The following PLCXD2 variants were observed in gnomAD, a reference collection of about 807,000 sequenced individuals.
PLCXD2 encodes the protein PI-PLC X domain-containing protein 2.
Under a neutral mutation model 28.6 loss-of-function variants are expected in PLCXD2, and 21 were observed. That is an observed-to-expected ratio of 0.73 (90% CI 0.52 to 1.06). The LOEUF (loss-of-function observed/expected upper bound fraction) is 1.06, where lower values mean the gene tolerates loss of function less well. Among genes scored for constraint, PLCXD2 ranks in the 50% least tolerant of loss-of-function variants. PLCXD2 has a pLI of 0.00. For missense variants in PLCXD2, 369 were observed against 376.7 expected, an observed-to-expected ratio of 0.98 and a Z score of 0.17; for synonymous variants, 140 against 150.1, an observed-to-expected ratio of 0.93 and a Z score of 0.49.
chr3:111,675,259 G>A lies in PLCXD2; in HGVS notation c.14G>A (p.Arg5Lys), dbSNP rs770025392. The A allele has an allele frequency of 1.9e-5, 31 of 1,613,960 alleles. 1 individual carries two copies. The South Asian group carries it at 3.2e-4, about 17-fold the overall frequency. The change falls in exon 1 of 5, where the codon AGG becomes AAG. Residue 5 changes from arginine (R) to lysine (K), a missense_variant. Coordinates refer to ENST00000477665, the MANE Select transcript of PLCXD2 (RefSeq NM_001185106.1). ...TTAACAACAGGGATGCTAGCAGTTA[G>A]GAAGGCCAGGAGGAAACTCAGGATG...
At chr3:111,725,646 G>A in intron 3 of PLCXD2, 2 of 398,438 alleles carry the variant, frequency 5.0e-6, no homozygotes, top group Non-Finnish European at 8.8e-6. Context: ...AATAATTCAA[G>A]AAAATTCTTT....
At chr3:111,699,337 T>G (rs6784525) in intron 1 of PLCXD2, among the ~76,000 whole-genome samples, 152,243 of 152,282 alleles carry the variant, frequency 1, 76,102 homozygotes, top group Non-Finnish European at 1. Flanking sequence ...GTTTTATTTA[T>G]AAACCAGGTT....
chr3:111,690,227 G>A (rs1399088653), intron 1 of PLCXD2, among the ~76,000 whole-genome samples: 1 of 152,156 alleles, frequency 6.6e-6, no homozygotes. Context: ...TGTAACTTTA[G>A]TTTCTTTTGT....
At chr3:111,716,612 C>T (rs565809325) in intron 3 of PLCXD2, among the ~76,000 whole-genome samples, 94 of 152,238 alleles carry the variant, frequency 6.2e-4, no homozygotes, top group African/African-American at 2.1e-3. Flanking sequence ...AGCTTGAGGA[C>T]AGAGCATCCA....
At chr3:111,678,774 G>GT (rs965601711) in intron 1 of PLCXD2, among the ~76,000 whole-genome samples, 4 of 152,084 alleles carry the variant, frequency 2.6e-5, no homozygotes, top group African/African-American at 4.8e-5. Context: ...TAATTTGAGG[G>GT]TTTTTTTGTT....
intron 1 of PLCXD2, among the ~76,000 whole-genome samples, chr3:111,701,089 C>A (rs2107856087): frequency 6.6e-6 from 1 of 152,122 alleles, no homozygotes; most frequent in Admixed American, 6.5e-5. Context: ...TCTTCTAGAC[C>A]ATCAGTATTT....
At position 111,714,111 on chromosome 3, in the gene PLCXD2, G is replaced by A. The variant is rs750108190; in HGVS notation, c.849G>A (p.Lys283=). Residue 283 remains lysine (K), a synonymous_variant, in exon 3 of 5, where the codon AAG becomes AAA. Coordinates refer to ENST00000477665, the MANE Select transcript of PLCXD2 (RefSeq NM_001185106.1). ...CCCGGGGCTTGGTTGGGGGCCTCAA[G>A]AACACGCTGGTTCATAGGTAAGAAT... The A allele has an allele frequency of 2.5e-6, 4 of 1,613,906 alleles. No homozygotes were observed. In the Admixed American group the frequency reaches 6.7e-5, roughly 27 times the overall value.
At chr3:111,699,838 G>A (rs1300920294) in intron 1 of PLCXD2, among the ~76,000 whole-genome samples, 1 of 152,110 alleles carries the variant, frequency 6.6e-6, no homozygotes, top group African/African-American at 2.4e-5. Context: ...CAAACAAGCT[G>A]TGGTTATTTA....
Position 111,708,040 on chromosome 3 carries a change from A to C in PLCXD2, c.278A>C (p.Lys93Thr). The C allele has an allele frequency of 6.2e-7, 1 of 1,614,228 alleles. No homozygotes were observed. Among genetic ancestry groups the C allele is most frequent in the Non-Finnish European group, 8.5e-7 (1 of 1,180,040 alleles). Reference sequence around the variant, plus strand: ...TCCTTGGTGAAGAAGCTAATGAAGAAGTGGTCTGTGACTCAGAACCTGACA... The same window carrying C: ...TCCTTGGTGAAGAAGCTAATGAAGACGTGGTCTGTGACTCAGAACCTGACA... Residue 93 changes from lysine to threonine, a missense_variant, in exon 2 of 5, where the codon AAG becomes ACG. Lys to Thr is a moderately conservative substitution (Grantham distance 78). Coordinates refer to ENST00000477665, the MANE Select transcript of PLCXD2 (RefSeq NM_001185106.1).
chr3:111,687,367 G>A (rs1389580968), intron 1 of PLCXD2, among the ~76,000 whole-genome samples: 1 of 152,126 alleles, frequency 6.6e-6, no homozygotes, highest in African/African-American at 2.4e-5. Context: ...AAAGGCAAGG[G>A]ACAATAAGAT....
chr3:111,675,378 A>C lies in PLCXD2; in HGVS notation c.133A>C (p.Asn45His), dbSNP rs1208292050. ...GGCCTCGCTCCCCCCTCACCTCCAC[A>C]ACCTCCCCCTTTCCAATCTGGCAAT... Residue 45 changes from asparagine to histidine, a missense_variant, in exon 1 of 5, where the codon AAC becomes CAC. By Grantham distance (68) the Asn-to-His change is moderately conservative. Coordinates refer to ENST00000477665, the MANE Select transcript of PLCXD2 (RefSeq NM_001185106.1). 1 of 1,613,886 alleles carries C rather than the reference A, an allele frequency of 6.2e-7. No homozygotes were observed. Among genetic ancestry groups the C allele is most frequent in the Non-Finnish European group, 8.5e-7 (1 of 1,179,928 alleles).
intron 2 of PLCXD2, among the ~76,000 whole-genome samples, chr3:111,709,893 G>T (rs1941176351): frequency 6.6e-6 from 1 of 152,164 alleles, no homozygotes; most frequent in Non-Finnish European, 1.5e-5. Context: ...CCTGACTTAG[G>T]TCTTAATAAG....
chr3:111,685,188 T>A (rs1000702815), intron 1 of PLCXD2, among the ~76,000 whole-genome samples: 38 of 152,218 alleles, frequency 2.5e-4, no homozygotes, highest in Admixed American at 2.3e-3. Flanking sequence ...TAACAGCTAC[T>A]ATTATACCCA....
At chr3:111,687,684 C>CTT (rs5851776) in intron 1 of PLCXD2, among the ~76,000 whole-genome samples, 8 of 137,346 alleles carry the variant, frequency 5.8e-5, no homozygotes, top group African/African-American at 2.1e-4. Flanking sequence ...TTCTTTCTTT[C>CTT]TTTTTTTTTT....
intron 3 of PLCXD2, among the ~76,000 whole-genome samples, chr3:111,715,484 G>A (rs1941255997): frequency 6.6e-6 from 1 of 152,202 alleles, no homozygotes; most frequent in African/African-American, 2.4e-5. Context: ...ATAAAGCAAT[G>A]TGAAATACCA....
At chr3:111,711,352 T>C (rs1464696644) in intron 2 of PLCXD2, among the ~76,000 whole-genome samples, 1 of 152,110 alleles carries the variant, frequency 6.6e-6, no homozygotes, top group Non-Finnish European at 1.5e-5. Flanking sequence ...TTCAGGGAGC[T>C]GAGATCGTGC....
intron 3 of PLCXD2, among the ~76,000 whole-genome samples, chr3:111,715,637 C>T (rs151324945): frequency 9.7e-4 from 147 of 152,298 alleles, no homozygotes; most frequent in Non-Finnish European, 1.6e-3. Context: ...TAAATCAAGT[C>T]AGCCTCTAGG....
intron 1 of PLCXD2, among the ~76,000 whole-genome samples, chr3:111,691,116 A>C (rs1007722241): frequency 6.6e-6 from 1 of 152,258 alleles, no homozygotes; most frequent in Non-Finnish European, 1.5e-5. Context: ...GCCAAAAAGC[A>C]ATAAATACCA....
intron 1 of PLCXD2, among the ~76,000 whole-genome samples, chr3:111,704,476 A>G (rs1941088822): frequency 6.6e-6 from 1 of 152,246 alleles, no homozygotes; most frequent in East Asian, 1.9e-4. Context: ...AATTAGGAAT[A>G]TGCCTATGGT....
Sources: gnomAD v4.1 joint callset for allele counts (sites outside exome capture counted in the v4.1 genomes callset) on GRCh38, gnomAD v4.1.1 for gene constraint, MANE v1.5 for transcripts, NCBI Gene and HGNC (gene_info 2026-07-23, HGNC 2026-07-21) for gene names.